Variants in DCLK1 observed in about 807,000 individuals in gnomAD.
DCLK1 encodes the protein serine/threonine-protein kinase DCLK1.
In DCLK1, 16 loss-of-function variants were observed where a neutral mutation model predicts 86.2. That is an observed-to-expected ratio of 0.19 (90% CI 0.13 to 0.28). DCLK1 has a LOEUF of 0.28. Ranked by LOEUF, DCLK1 falls within the 10% of genes least tolerant of loss-of-function variation. The pLI is 1.00. For missense variants in DCLK1, 590 were observed against 940.2 expected (o/e 0.63, Z 4.87); for synonymous variants, 369 against 370.5 (o/e 1.00, Z 0.05).
chr13:36,099,734 TG>T (rs1885134177), intron 3 of DCLK1, among the ~76,000 whole-genome samples: 1 of 152,236 alleles, frequency 6.6e-6, no homozygotes, highest in Admixed American at 6.5e-5. Context: ...TGATCCAATT[TG>T]GCAAAACCAA....
chr13:35,957,547 G>A (rs1878057815), intron 3 of DCLK1, among the ~76,000 whole-genome samples: 1 of 152,036 alleles, frequency 6.6e-6, no homozygotes, highest in Admixed American at 6.6e-5. Context: ...AGTTTTGCAA[G>A]AAAATTATAA....
intron 3 of DCLK1, among the ~76,000 whole-genome samples, chr13:36,036,881 T>A (rs1882523575): frequency 6.6e-6 from 1 of 152,062 alleles, no homozygotes; most frequent in African/African-American, 2.4e-5. Flanking sequence ...CTCTACTGGG[T>A]GTATATCCAA....
chr13:35,779,508 AGT>A (rs904547821), intron 16 of DCLK1, among the ~76,000 whole-genome samples: 1 of 152,120 alleles, frequency 6.6e-6, no homozygotes, highest in African/African-American at 2.4e-5. Flanking sequence ...ACACATATTA[AGT>A]GTGTATTAAA....
At chr13:35,788,965 C>T (rs534912024) in intron 16 of DCLK1, among the ~76,000 whole-genome samples, 2 of 152,252 alleles carry the variant, frequency 1.3e-5, no homozygotes, top group South Asian at 4.1e-4. Flanking sequence ...AAATAGTTTT[C>T]TTTGTATAAT....
intron 3 of DCLK1, among the ~76,000 whole-genome samples, chr13:35,967,390 G>A (rs1340132410): frequency 1.3e-5 from 2 of 152,232 alleles, no homozygotes; most frequent in African/African-American, 2.4e-5. Flanking sequence ...TAGAAAAGGG[G>A]GAAATGTGGG....
chr13:35,791,594 G>T (rs189694417), intron 16 of DCLK1, among the ~76,000 whole-genome samples: 1 of 152,110 alleles, frequency 6.6e-6, no homozygotes, highest in African/African-American at 2.4e-5. Context: ...ATTAAAATAG[G>T]ATTTCCCCTC....
At chr13:35,935,910 G>A (rs1171091) in intron 4 of DCLK1, among the ~76,000 whole-genome samples, 13,562 of 151,404 alleles carry the variant, frequency 0.09, 800 homozygotes, top group African/African-American at 0.17. Context: ...CATACCATCT[G>A]GTTGCCATTT....
intron 3 of DCLK1, among the ~76,000 whole-genome samples, chr13:36,084,385 G>C (rs1449570184): frequency 6.6e-6 from 1 of 152,154 alleles, no homozygotes; most frequent in Non-Finnish European, 1.5e-5. Flanking sequence ...GGGCACACAA[G>C]GGTCAAACCT....
chr13:36,048,487 G>A (rs890979487), intron 3 of DCLK1, among the ~76,000 whole-genome samples: 6 of 152,018 alleles, frequency 3.9e-5, no homozygotes, highest in African/African-American at 4.8e-5. Context: ...AAAATACACC[G>A]CTATTATAAA....
intron 11 of DCLK1, among the ~76,000 whole-genome samples, chr13:35,812,692 C>A (rs2087172312): frequency 6.6e-6 from 1 of 152,196 alleles, no homozygotes; most frequent in Admixed American, 6.6e-5. Flanking sequence ...AGAAAATATT[C>A]TTTTACGTTT....
chr13:35,829,435 AATAGTAATGAGGTT>A, intron 8 of DCLK1, among the ~76,000 whole-genome samples: 1 of 152,200 alleles, frequency 6.6e-6, no homozygotes, highest in Admixed American at 6.5e-5. Context: ...AATGGACACA[AATAGTAATGAGGTT>A]AATTAAGAAC....
chr13:35,852,005 G>A lies in DCLK1; in HGVS notation c.1035+2494C>T, dbSNP rs956545945. ...TGTGCATGTGTGTGTATGTGTGTGT[G>A]TGTGTGTGTGTGTGTGTGTGTTGGG... On this transcript the variant is annotated intron_variant, in intron 6 of 16. Coordinates refer to ENST00000360631, the MANE Select transcript of DCLK1 (RefSeq NM_001330071.2). Among the ~76,000 whole-genome samples the A allele has an allele frequency of 3.0e-3, 453 of 152,112 alleles. 3 individuals carry two copies. The highest frequency in any genetic ancestry group is 0.011 in the African/African-American group (444 of 41,488).
intron 3 of DCLK1, among the ~76,000 whole-genome samples, chr13:36,100,179 C>CAAAAAAAAAAAAAAAAAAAAAAAA: frequency 2.7e-5 from 1 of 37,686 alleles, no homozygotes; most frequent in Non-Finnish European, 4.3e-5. Context: ...CCTGTCTCTA[C>CAAAAAAAAAAAAAAAAAAAAAAAA]AAAAAAAAAA....
intron 3 of DCLK1, among the ~76,000 whole-genome samples, chr13:35,958,485 C>T (rs992861476): frequency 6.6e-6 from 1 of 151,866 alleles, no homozygotes; most frequent in African/African-American, 2.4e-5. Flanking sequence ...ACCATCACCA[C>T]CACTACCACC....
At chr13:35,822,401 A>G (rs2087416576) in intron 11 of DCLK1, among the ~76,000 whole-genome samples, 1 of 152,206 alleles carries the variant, frequency 6.6e-6, no homozygotes, top group African/African-American at 2.4e-5. Context: ...CTAACATAAA[A>G]GTGCCTAAGA....
chr13:35,843,220 T>G (rs1245483072), intron 6 of DCLK1, among the ~76,000 whole-genome samples: 1 of 152,212 alleles, frequency 6.6e-6, no homozygotes, highest in East Asian at 1.9e-4. Context: ...GGCATCTGGG[T>G]GTACAGTACA....
At chr13:35,944,059 C>T (rs1483911998) in intron 4 of DCLK1, among the ~76,000 whole-genome samples, 1 of 152,148 alleles carries the variant, frequency 6.6e-6, no homozygotes, top group Admixed American at 6.5e-5. Context: ...TCCGAATGTG[C>T]AAACTTAGGG....
chr13:35,947,885 C>T (rs1038341977), intron 3 of DCLK1, among the ~76,000 whole-genome samples: 5 of 152,188 alleles, frequency 3.3e-5, no homozygotes, highest in Non-Finnish European at 7.3e-5. Context: ...AAGAAAAATA[C>T]TTCTCTCATG....
At chr13:35,988,355 GCAGCC>G (rs145265558) in intron 3 of DCLK1, among the ~76,000 whole-genome samples, 199 of 152,350 alleles carry the variant, frequency 1.3e-3, no homozygotes, top group African/African-American at 4.5e-3. Context: ...CCAGTGCTGT[GCAGCC>G]AGCTGCTCTC....
Sources: allele counts gnomAD v4.1 joint callset (sites outside exome capture counted in the v4.1 genomes callset), GRCh38; gene constraint gnomAD v4.1.1; transcripts MANE v1.5; gene names NCBI Gene and HGNC (gene_info 2026-07-23, HGNC 2026-07-21).